The following ANK2 variants were observed in gnomAD, a reference collection of about 807,000 sequenced individuals.
ANK2 encodes the protein ankyrin 2, also known as ankyrin-2.
A neutral mutation model predicts 360.5 loss-of-function variants in ANK2; 83 were observed. The ratio of observed to expected loss-of-function variants is 0.23; its 90% confidence interval spans 0.19 to 0.28. The LOEUF is 0.28. ANK2 is among the 10% of genes least tolerant of loss of function. The pLI is 1.00. For synonymous variants in ANK2, 1,740 were observed against 1,759.5 expected, an observed-to-expected ratio of 0.99 and a Z score of 0.28; for missense variants, 4,201 against 4,795.7, an observed-to-expected ratio of 0.88 and a Z score of 3.66.
At chr4:113,137,905 A>G (rs1447627796) in intron 1 of ANK2, among the ~76,000 whole-genome samples, 1 of 152,226 alleles carries the variant, frequency 6.6e-6, no homozygotes, top group Non-Finnish European at 1.5e-5. Context: ...CCACATTAAC[A>G]TAATTTTCGA....
chr4:113,155,999 A>G (rs1193085240), intron 1 of ANK2, among the ~76,000 whole-genome samples: 6 of 152,208 alleles, frequency 3.9e-5, no homozygotes, highest in Admixed American at 3.9e-4. Flanking sequence ...TCAGTTAGCA[A>G]CTTTCAATGC....
chr4:112,919,644 T>A (rs1275422014), intron 2 of ANK2, among the ~76,000 whole-genome samples: 1 of 152,106 alleles, frequency 6.6e-6, no homozygotes, highest in Non-Finnish European at 1.5e-5. Flanking sequence ...TAACAAAAAG[T>A]AACAAGCAGA....
intron 2 of ANK2, among the ~76,000 whole-genome samples, chr4:113,187,075 G>A (rs977124456): frequency 6.6e-6 from 1 of 151,118 alleles, no homozygotes; most frequent in Non-Finnish European, 1.5e-5. Flanking sequence ...CCCCTAAACT[G>A]TCATTACTTA....
intron 2 of ANK2, among the ~76,000 whole-genome samples, chr4:113,188,398 A>G (rs1214634910): frequency 6.6e-6 from 1 of 152,174 alleles, no homozygotes; most frequent in Non-Finnish European, 1.5e-5. Flanking sequence ...AAAGATCCAC[A>G]TATTATTAGG....
chr4:112,758,793 A>C, the ANK2 span, among the ~76,000 whole-genome samples: 1 of 152,074 alleles, frequency 6.6e-6, no homozygotes, highest in Non-Finnish European at 1.5e-5. Flanking sequence ...GCCCCTTTCC[A>C]TCAAACTCTG....
intron 1 of ANK2, among the ~76,000 whole-genome samples, chr4:112,869,271 A>ATTTC (rs1045497685): frequency 1.3e-4 from 20 of 149,436 alleles, no homozygotes; most frequent in Admixed American, 5.4e-4. Flanking sequence ...CTTGGGCTCA[A>ATTTC]TTTCTTTCTT....
At chr4:113,218,569 A>G (rs1469305332) in intron 4 of ANK2, among the ~76,000 whole-genome samples, 3 of 152,090 alleles carry the variant, frequency 2.0e-5, no homozygotes, top group Admixed American at 1.3e-4. Flanking sequence ...GCTACCATCT[A>G]TATTTATTAA....
intron 2 of ANK2, among the ~76,000 whole-genome samples, chr4:112,925,206 T>C (rs1221787013): frequency 6.6e-6 from 1 of 152,192 alleles, no homozygotes; most frequent in Admixed American, 6.5e-5. Flanking sequence ...GACTGTAAAT[T>C]ACAGTAGTGA....
intron 22 of ANK2, among the ~76,000 whole-genome samples, chr4:113,300,601 T>G (rs1232005803): frequency 2.6e-5 from 4 of 152,072 alleles, no homozygotes. Context: ...TAAACACAGT[T>G]AAACAAAGAC....
chr4:113,306,428 C>T (rs1563607751), intron 23 of ANK2, among the ~76,000 whole-genome samples: 1 of 152,146 alleles, frequency 6.6e-6, no homozygotes, highest in Non-Finnish European at 1.5e-5. Context: ...ATACCAGGCT[C>T]AGTTGTGGAC....
At chr4:113,173,396 GA>G (rs1447602227) in intron 1 of ANK2, among the ~76,000 whole-genome samples, 1 of 152,126 alleles carries the variant, frequency 6.6e-6, no homozygotes, top group East Asian at 1.9e-4. Flanking sequence ...GAGAATGTTT[GA>G]TTAAGAGTCA....
chr4:113,187,063 AC>A (rs1397987925), intron 2 of ANK2, among the ~76,000 whole-genome samples: 1 of 145,716 alleles, frequency 6.9e-6, no homozygotes, highest in African/African-American at 2.6e-5. Flanking sequence ...ACCCCACCCC[AC>A]CCCCTAAACT....
chr4:112,948,988 T>G (rs893298266), intron 2 of ANK2, among the ~76,000 whole-genome samples: 18 of 152,142 alleles, frequency 1.2e-4, no homozygotes, highest in African/African-American at 4.3e-4. Context: ...TGGAGTTCTT[T>G]GAAGATCTCC....
chr4:112,745,769 G>A, the ANK2 span, among the ~76,000 whole-genome samples: 1 of 152,020 alleles, frequency 6.6e-6, no homozygotes, highest in Non-Finnish European at 1.5e-5. Context: ...CTGACCTCCG[G>A]TGATCCACCT....
intron 2 of ANK2, among the ~76,000 whole-genome samples, chr4:112,957,321 A>G (rs1410866797): frequency 1.3e-5 from 2 of 152,184 alleles, no homozygotes; most frequent in Non-Finnish European, 2.9e-5. Context: ...CAGAGAGCAC[A>G]GGGTTAGGGG....
chr4:113,141,526 A>T (rs1037548972), intron 1 of ANK2: 24 of 152,222 alleles, frequency 1.6e-4, no homozygotes, highest in African/African-American at 5.8e-4. Flanking sequence ...AAACAGGAAA[A>T]TAGAAGCTCA....
intron 2 of ANK2, among the ~76,000 whole-genome samples, chr4:113,044,644 C>T (rs895239405): frequency 1.4e-4 from 22 of 152,184 alleles, no homozygotes; most frequent in Admixed American, 1.4e-3. Flanking sequence ...TCCCCTGCCT[C>T]TTCCCAGCTT....
At chr4:112,944,037 A>T (rs540890335) in intron 2 of ANK2, among the ~76,000 whole-genome samples, 1 of 152,108 alleles carries the variant, frequency 6.6e-6, no homozygotes, top group Non-Finnish European at 1.5e-5. Context: ...ATTTTGCAGA[A>T]TTTTTCAGTC....
intron 14 of ANK2, 38 bp downstream of exon 14, chr4:113,265,033 C>T (rs891675845): frequency 8.5e-6 from 13 of 1,531,342 alleles, no homozygotes; most frequent in Admixed American, 2.0e-5. Flanking sequence ...TCTATCGCAG[C>T]GCATGAGTTT....
Sources: allele counts gnomAD v4.1 joint callset (sites outside exome capture counted in the v4.1 genomes callset), GRCh38; gene constraint gnomAD v4.1.1; transcripts MANE v1.5; gene names NCBI Gene and HGNC (gene_info 2026-07-23, HGNC 2026-07-21).